PTGFRN: variants seen among roughly 807,000 people sequenced by gnomAD.
PTGFRN encodes prostaglandin F2 receptor inhibitor.
A neutral mutation model predicts 83.2 loss-of-function variants in PTGFRN; 35 were observed. The observed-to-expected ratio is 0.42, with a 90% CI of 0.32 to 0.56. The LOEUF (loss-of-function observed/expected upper bound fraction) is 0.56. Ranked by LOEUF, PTGFRN falls within the 20% of genes least tolerant of loss-of-function variation. The pLI is 0.11. For missense variants in PTGFRN, 1,051 were observed against 1,179.5 expected (o/e 0.89, Z 1.60); for synonymous variants, 519 against 498.6 (o/e 1.04, Z -0.55).
intron 7 of PTGFRN, 84 bp downstream of exon 7, chr1:116,974,407 G>A: frequency 9.3e-7 from 1 of 1,075,090 alleles, no homozygotes; most frequent in Admixed American, 1.9e-5. Context: ...ACACAGATGT[G>A]GGTTAGGGAT....
chr1:116,951,358 C>T (rs144011125), intron 4 of PTGFRN, among the ~76,000 whole-genome samples: 70 of 152,302 alleles, frequency 4.6e-4, no homozygotes, highest in Non-Finnish European at 9.6e-4. Context: ...CAAAGGATCC[C>T]GTCATTTGTT....
chr1:116,927,525 CTTTT>C (rs1171564821), intron 1 of PTGFRN, among the ~76,000 whole-genome samples: 39 of 124,394 alleles, frequency 3.1e-4, no homozygotes, highest in African/African-American at 1.2e-3. Flanking sequence ...CCTTGCTTAC[CTTTT>C]TTTTTTTTTT....
chr1:116,914,064 T>C (rs944819832), intron 1 of PTGFRN, among the ~76,000 whole-genome samples: 1 of 152,242 alleles, frequency 6.6e-6, no homozygotes, highest in Non-Finnish European at 1.5e-5. Context: ...ACAATAGATG[T>C]GTCTTATATA....
chr1:116,930,825 C>T lies in PTGFRN; in HGVS notation c.50-10890C>T, dbSNP rs532377505. On this transcript the variant is annotated intron_variant, in intron 1 of 8. Transcript: ENST00000393203. ...TTCACCACTACCTGCCTGTGTCCCC[C>T]GTGGCCCCTTTAGGTCTTTGCTTAT... Among the ~76,000 whole-genome samples the T allele has an allele frequency of 9.8e-5, 15 of 152,298 alleles. No homozygotes were observed. In the East Asian group the frequency reaches 1.2e-3, roughly 12 times the overall value.
intron 6 of PTGFRN, among the ~76,000 whole-genome samples, chr1:116,973,762 G>A (rs982208982): frequency 6.6e-6 from 1 of 152,070 alleles, no homozygotes; most frequent in African/African-American, 2.4e-5. Flanking sequence ...TGGTAACAGG[G>A]CCCCTTTCCC....
intron 7 of PTGFRN, among the ~76,000 whole-genome samples, chr1:116,984,182 CA>C (rs1237016229): frequency 6.6e-6 from 1 of 152,148 alleles, no homozygotes; most frequent in African/African-American, 2.4e-5. Flanking sequence ...AAATTTGGTG[CA>C]ATTCATTTTA....
chr1:116,966,036 CATCTT>C (rs1251212806), intron 5 of PTGFRN, among the ~76,000 whole-genome samples: 13 of 152,192 alleles, frequency 8.5e-5, no homozygotes, highest in Admixed American at 2.6e-4. Flanking sequence ...GTAAAAATCT[CATCTT>C]GTAACTGGAT....
At chr1:116,917,903 GC>G (rs912639550) in intron 1 of PTGFRN, among the ~76,000 whole-genome samples, 1 of 152,066 alleles carries the variant, frequency 6.6e-6, no homozygotes, top group Non-Finnish European at 1.5e-5. Flanking sequence ...TAGCCACTGC[GC>G]CCGGCCTGTA....
At chr1:116,966,638 C>A (rs1650842701) in intron 5 of PTGFRN, among the ~76,000 whole-genome samples, 1 of 152,202 alleles carries the variant, frequency 6.6e-6, no homozygotes, top group South Asian at 2.1e-4. Context: ...GGTGAAACTT[C>A]TTAAGGACTT....
intron 4 of PTGFRN, among the ~76,000 whole-genome samples, chr1:116,960,933 A>G (rs1650641303): frequency 6.6e-6 from 1 of 152,102 alleles, no homozygotes; most frequent in Non-Finnish European, 1.5e-5. Flanking sequence ...AGAAGACCTT[A>G]ACCTCTTGGG....
In PTGFRN at chr1:116,961,275, A is replaced by G; in HGVS notation, c.1246A>G (p.Lys416Glu). 1 of 1,522,532 alleles carries G rather than the reference A, an allele frequency of 6.6e-7. No homozygotes were observed. The highest frequency in any genetic ancestry group is 8.8e-7 in the Non-Finnish European group (1 of 1,136,030). 94.3% of individuals were successfully genotyped at this position (1,522,532 alleles called of 1,614,324 possible). Residue 416 changes from lysine (K) to glutamate (E), a missense_variant, in exon 5 of 9, where the codon AAG becomes GAG. Physicochemically the swap from Lys to Glu is moderately conservative, Grantham distance 56 (BLOSUM62 1). This residue lies in a region of PTGFRN where 719 missense variants were observed against 836.6 expected (regional missense o/e 0.86). Coordinates refer to ENST00000393203, the MANE Select transcript of PTGFRN (RefSeq NM_020440.4). The surrounding 1 kb of genome is among the most constrained non-coding windows in gnomAD (Gnocchi z 5.4). ...PDYQVYLNAS[K>E]VPGFADDPTE... Reference sequence around the variant, plus strand: ...CTACCAGGTGTACCTGAATGCTTCCAAGGTCCCCGGGTTTGCGGATGACCC... The same window carrying G: ...CTACCAGGTGTACCTGAATGCTTCCGAGGTCCCCGGGTTTGCGGATGACCC...
chr1:116,961,314 T>C lies in PTGFRN; in HGVS notation c.1285T>C (p.Cys429Arg). 1 of 1,561,514 alleles carries C rather than the reference T, an allele frequency of 6.4e-7. No individual in the cohort carries two copies. Among genetic ancestry groups the C allele is most frequent in the Non-Finnish European group, 8.7e-7 (1 of 1,151,500 alleles). ...GFADDPTELA[C>R]RVVDTKSGEA... The stretch of plus-strand genomic sequence containing the variant: ...TGCGGATGACCCCACAGAGCTGGCA[T>C]GCCGGGTGGTGGACACGAAGAGTGG... Residue 429 changes from cysteine to arginine, a missense_variant, in exon 5 of 9, where the codon TGC becomes CGC. By Grantham distance (180) the Cys-to-Arg change is radical (BLOSUM62 -3). Coordinates refer to ENST00000393203, the MANE Select transcript of PTGFRN (RefSeq NM_020440.4). This position sits in a 1 kb window ranked among gnomAD's most constrained non-coding sequence, Gnocchi z 5.4.
In PTGFRN at chr1:116,942,001, A is replaced by G; in HGVS notation, c.336A>G (p.Ser112=). The G allele has an allele frequency of 6.2e-7, 1 of 1,614,218 alleles. No homozygotes were observed. Among genetic ancestry groups the G allele is most frequent in the South Asian group, 1.1e-5 (1 of 91,088 alleles). The change falls in exon 2 of 9, where the codon TCA becomes TCG. Residue 112 remains serine (S), a synonymous_variant. Transcript: ENST00000393203. Reference sequence around the variant, plus strand: ...TCCACATAAAGAACGTCCAGCCTTCAGACCAAGGCCACTACAAATGTTCAA... The same window carrying G: ...TCCACATAAAGAACGTCCAGCCTTCGGACCAAGGCCACTACAAATGTTCAA... ...VELHIKNVQP[S]DQGHYKCSTP...
intron 2 of PTGFRN, among the ~76,000 whole-genome samples, 197 bp downstream of exon 2, chr1:116,942,280 A>G (rs924231357): frequency 6.6e-6 from 1 of 152,210 alleles, no homozygotes; most frequent in Non-Finnish European, 1.5e-5. Context: ...GGGATGGGCC[A>G]GATGACCTCA....
intron 4 of PTGFRN, among the ~76,000 whole-genome samples, chr1:116,956,463 G>GGGTGGAGAAT (rs746927675): frequency 1.3e-5 from 2 of 152,228 alleles, no homozygotes; most frequent in Non-Finnish European, 2.9e-5. Flanking sequence ...ATTGATTTCA[G>GGGTGGAGAAT]GGTGGAGAAT....
intron 5 of PTGFRN, among the ~76,000 whole-genome samples, chr1:116,963,532 T>G (rs548652807): frequency 5.3e-5 from 8 of 152,346 alleles, no homozygotes; most frequent in African/African-American, 1.9e-4. Context: ...TCTGTCAATG[T>G]GCTGTTAGAT....
chr1:116,916,126 CTG>C (rs1388874378), intron 1 of PTGFRN, among the ~76,000 whole-genome samples: 1 of 152,170 alleles, frequency 6.6e-6, no homozygotes, highest in Non-Finnish European at 1.5e-5. Flanking sequence ...CCACAATACT[CTG>C]TATTGTGTCA....
At chr1:116,977,100 C>G (rs1226218974) in intron 7 of PTGFRN, among the ~76,000 whole-genome samples, 2 of 151,212 alleles carry the variant, frequency 1.3e-5, no homozygotes, top group East Asian at 4.3e-4. Flanking sequence ...AGACTTTAAA[C>G]CAACAAAGAT....
intron 1 of PTGFRN, among the ~76,000 whole-genome samples, chr1:116,916,222 G>T (rs1055938742): frequency 6.6e-6 from 1 of 152,220 alleles, no homozygotes; most frequent in Non-Finnish European, 1.5e-5. Flanking sequence ...CAGCTGGAAT[G>T]TGAAAATATT....
Sources: gnomAD v4.1 joint callset for allele counts (sites outside exome capture counted in the v4.1 genomes callset) on GRCh38, gnomAD v4.1.1 for gene constraint, gnomAD v4.1.1 regional missense constraint, Gnocchi (gnomAD v3.1) non-coding constraint, MANE v1.5 for transcripts, NCBI Gene and HGNC (gene_info 2026-07-23, HGNC 2026-07-21) for gene names.